Variants in TMEM39B observed in about 807,000 individuals in gnomAD.
TMEM39B encodes the protein transmembrane protein 39B.
Under a neutral mutation model 52.2 loss-of-function variants are expected in TMEM39B, and 23 were observed. The observed-to-expected ratio is 0.44, with a 90% CI of 0.32 to 0.62. The LOEUF (loss-of-function observed/expected upper bound fraction) is 0.62, where lower values mean the gene tolerates loss of function less well. Among genes scored for constraint, TMEM39B ranks in the 20% least tolerant of loss-of-function variants. The probability of loss-of-function intolerance (pLI) is 0.06; values close to 1 mark genes in which losing one functional copy is unlikely to be tolerated. For missense variants in TMEM39B, 547 were observed against 642.0 expected (o/e 0.85, Z 1.60); for synonymous variants, 285 against 264.0 (o/e 1.08, Z -0.77).
In TMEM39B at chr1:32,079,494, A is replaced by G. The variant is rs144420694; in HGVS notation, c.590+2176A>G. ...CCACCGCGCCTGGCCAACCTGTTCT[A>G]TTTCTAACCTGGACCAGTTCATCCC... On this transcript the variant is annotated intron_variant, in intron 5 of 8. Coordinates refer to ENST00000336294, the MANE Select transcript of TMEM39B (RefSeq NM_018056.4). Among the ~76,000 whole-genome samples, 84 of 151,668 alleles carry G rather than the reference A, an allele frequency of 5.5e-4. No homozygotes were observed. In the East Asian group the frequency reaches 0.015, roughly 27 times the overall value.
chr1:32,088,235 T>G (rs1278324196), intron 5 of TMEM39B, among the ~76,000 whole-genome samples: 1 of 147,860 alleles, frequency 6.8e-6, no homozygotes, highest in Non-Finnish European at 1.5e-5. Flanking sequence ...GCTAACATGG[T>G]GAAACCCCGT....
chr1:32,073,040 G>C lies in TMEM39B; in HGVS notation c.-8G>C. 1 of 1,521,210 alleles carries C rather than the reference G, an allele frequency of 6.6e-7. No individual in the cohort carries two copies. Among genetic ancestry groups the C allele is most frequent in the Non-Finnish European group, 8.8e-7 (1 of 1,132,230 alleles). 94.2% of individuals were successfully genotyped at this position (1,521,210 alleles called of 1,614,324 possible). A position where few individuals can be genotyped will look rare whatever the true frequency, so the allele number is the denominator to read the frequency against. The stretch of plus-strand genomic sequence containing the variant: ...CGGCGGCGAAGCGGAGAGCACCGGG[G>C]GGAGGAGATGGGTGAGCAGAGCGGC... On this transcript the variant is annotated 5_prime_UTR_variant, in exon 1 of 9. Coordinates refer to ENST00000336294, the MANE Select transcript of TMEM39B (RefSeq NM_018056.4).
chr1:32,094,738 G>T (rs755454181), intron 6 of TMEM39B, 46 bp from the exon 7 acceptor site: 2 of 1,603,252 alleles, frequency 1.2e-6, no homozygotes, highest in South Asian at 1.1e-5. Context: ...AGGGAATGAG[G>T]CCATTATGGG....
intron 5 of TMEM39B, among the ~76,000 whole-genome samples, chr1:32,078,076 G>T (rs576231418): frequency 3.1e-4 from 47 of 152,190 alleles, no homozygotes; most frequent in African/African-American, 1.1e-3. Context: ...GTCAATCCTG[G>T]TCTCTGGGAA....
At chr1:32,073,966 C>T in intron 1 of TMEM39B, 3 of 878,328 alleles carry the variant, frequency 3.4e-6, no homozygotes, top group Non-Finnish European at 4.1e-6. Context: ...CCAGGCTGGT[C>T]TCCAACTCCT....
chr1:32,088,352 GC>G, intron 5 of TMEM39B, among the ~76,000 whole-genome samples: 2 of 151,674 alleles, frequency 1.3e-5, no homozygotes, highest in African/African-American at 4.8e-5. Context: ...GGGAGGCGGA[GC>G]TTGCAGTGAG....
At chr1:32,073,191 C>T (rs1378732552) in intron 1 of TMEM39B, 140 bp downstream of exon 1, 1 of 1,127,224 alleles carries the variant, frequency 8.9e-7, no homozygotes, top group South Asian at 2.0e-5. Context: ...GGGATCCCGC[C>T]CCCTCCTGTC....
At chr1:32,072,932 C>T (rs185047259), upstream of TMEM39B, 104 of 1,360,508 alleles carry the variant, frequency 7.6e-5, no homozygotes, top group African/African-American at 1.3e-3. Flanking sequence ...GGCGGGAGCG[C>T]GCGGCTGATA....
intron 5 of TMEM39B, 38 bp downstream of exon 5, chr1:32,077,356 C>T (rs201546817): frequency 6.2e-7 from 1 of 1,612,188 alleles, no homozygotes; most frequent in Non-Finnish European, 8.5e-7. Flanking sequence ...TGCCCAGCAC[C>T]TGGCCCCTGA....
Position 32,086,433 on chromosome 1 carries a change from G to A in TMEM39B, c.591-5242G>A, listed in dbSNP as rs570292664. On this transcript the variant is annotated intron_variant, in intron 5 of 8. Coordinates refer to ENST00000336294, the MANE Select transcript of TMEM39B (RefSeq NM_018056.4). ...GTCTGAGTTGAGATGTGCTCTAAGT[G>A]TAAAATACACACCGATTCTGAACCC... 1.7e-4 allele frequency among the ~76,000 whole-genome samples: 26 copies of A among 152,258 alleles called. No individual in the cohort carries two copies. In the South Asian group the frequency reaches 5.4e-3, roughly 32 times the overall value.
chr1:32,073,769 C>T, intron 1 of TMEM39B: 1 of 985,282 alleles, frequency 1.0e-6, no homozygotes, highest in Non-Finnish European at 1.2e-6. Flanking sequence ...TTTGGGCATA[C>T]ATCCAAGCCC....
intron 6 of TMEM39B, among the ~76,000 whole-genome samples, 187 bp downstream of exon 6, chr1:32,092,198 C>T (rs1640636318): frequency 6.6e-6 from 1 of 152,140 alleles, no homozygotes; most frequent in African/African-American, 2.4e-5. Flanking sequence ...GCTCTGTCAC[C>T]TACACTGGAG....
At chr1:32,079,384 C>G (rs1478899962) in intron 5 of TMEM39B, among the ~76,000 whole-genome samples, 1 of 151,872 alleles carries the variant, frequency 6.6e-6, no homozygotes, top group Non-Finnish European at 1.5e-5. Context: ...CAGGGTTTCA[C>G]CGTGTTAGCC....
intron 5 of TMEM39B, among the ~76,000 whole-genome samples, chr1:32,078,327 TA>T (rs1352271030): frequency 6.6e-6 from 1 of 151,796 alleles, no homozygotes; most frequent in East Asian, 1.9e-4. Flanking sequence ...ACTAAAAACA[TA>T]AAAAACTAGC....
At chr1:32,100,674 C>A in intron 8 of TMEM39B, 112 bp downstream of exon 8, 1 of 1,449,370 alleles carries the variant, frequency 6.9e-7, no homozygotes, top group Non-Finnish European at 9.6e-7. Context: ...TTTCCCCAAT[C>A]CAAAGGAAGA....
chr1:32,092,858 G>A (rs1640662044), intron 6 of TMEM39B, among the ~76,000 whole-genome samples: 1 of 152,216 alleles, frequency 6.6e-6, no homozygotes. Context: ...AGGTCACCCA[G>A]CCAATGAGGG....
At chr1:32,085,236 G>A (rs2124458444) in intron 5 of TMEM39B, among the ~76,000 whole-genome samples, 1 of 152,118 alleles carries the variant, frequency 6.6e-6, no homozygotes, top group African/African-American at 2.4e-5. Flanking sequence ...CTGTTCATCA[G>A]ATGGTAGACC....
chr1:32,102,371 C>G, intron 8 of TMEM39B, 60 bp from the exon 9 acceptor site: 1 of 1,574,850 alleles, frequency 6.3e-7, no homozygotes, highest in Non-Finnish European at 8.6e-7. Context: ...CCAGAACCCC[C>G]ATCCAGGAGG....
At position 32,091,844 on chromosome 1, in the gene TMEM39B, T is replaced by C; in HGVS notation, c.760T>C (p.Tyr254His). 6.2e-7 allele frequency: 1 copy of C among 1,614,214 alleles called. No homozygotes were observed. Among genetic ancestry groups the C allele is most frequent in the South Asian group, 1.1e-5 (1 of 91,084 alleles). ...GTGGAAGCAGCACACAAGACAGCTG[T>C]ATGGCCCGGACGCCATGCCCACCCA... ...ETWKQHTRQL[Y>H]GPDAMPTHAC... is the part of the protein sequence containing the mutation. The change falls in exon 6 of 9, where the codon TAT (tyrosine) becomes CAT (histidine). Residue 254 changes from tyrosine to histidine, a missense_variant. Tyr to His is a moderately conservative substitution (Grantham distance 83). Transcript: ENST00000336294.
Sources: allele counts gnomAD v4.1 joint callset (sites outside exome capture counted in the v4.1 genomes callset), GRCh38; gene constraint gnomAD v4.1.1; transcripts MANE v1.5; gene names NCBI Gene and HGNC (gene_info 2026-07-23, HGNC 2026-07-21).